Variants in RBFOX1 observed in about 807,000 individuals in gnomAD.
RBFOX1 encodes the protein RNA binding fox-1 homolog 1.
A neutral mutation model predicts 57.7 loss-of-function variants in RBFOX1; 8 were observed. The observed-to-expected ratio is 0.14, with a 90% CI of 0.08 to 0.25. The LOEUF (loss-of-function observed/expected upper bound fraction) is 0.25, where lower values mean the gene tolerates loss of function less well. Ranked by LOEUF, RBFOX1 falls within the 10% of genes least tolerant of loss-of-function variation. RBFOX1 has a pLI of 1.00. For synonymous variants in RBFOX1, 326 were observed against 222.4 expected, an observed-to-expected ratio of 1.47 and a Z score of -4.15; for missense variants, 611 against 548.5, an observed-to-expected ratio of 1.11 and a Z score of -1.14.
chr16:7,219,633 G>A (rs763075719), intron 4 of RBFOX1, among the ~76,000 whole-genome samples: 2 of 152,168 alleles, frequency 1.3e-5, no homozygotes, highest in African/African-American at 2.4e-5. Flanking sequence ...CACTTGATGG[G>A]ATTGTTTTTG....
At position 6,119,516 on chromosome 16, in the gene RBFOX1, A is replaced by T. The variant is rs149420915; in HGVS notation, c.-127+99524A>T. 5.9e-5 allele frequency among the ~76,000 whole-genome samples: 9 copies of T among 152,328 alleles called. No individual in the cohort carries two copies. The East Asian group carries it at 1.5e-3, about 26-fold the overall frequency. On this transcript the variant is annotated intron_variant, in intron 1 of 15. Coordinates refer to ENST00000550418, the MANE Select transcript of RBFOX1 (RefSeq NM_018723.4). Reference sequence around the variant, plus strand: ...ACTAATTTATTACTTTGATGGCCCAATGGTGATTTTCAATTTCCTCTCATG... The same window carrying T: ...ACTAATTTATTACTTTGATGGCCCATTGGTGATTTTCAATTTCCTCTCATG...
intron 4 of RBFOX1, among the ~76,000 whole-genome samples, chr16:7,097,675 C>T (rs1466006500): frequency 2.6e-5 from 4 of 152,130 alleles, no homozygotes; most frequent in African/African-American, 7.2e-5. Context: ...TGGTTTTGAT[C>T]TATATTTTCA....
chr16:7,340,448 T>G (rs1489205374), intron 4 of RBFOX1, among the ~76,000 whole-genome samples: 1 of 152,216 alleles, frequency 6.6e-6, no homozygotes, highest in Non-Finnish European at 1.5e-5. Flanking sequence ...GATGGCTGTT[T>G]TACCTGGTAT....
intron 4 of RBFOX1, among the ~76,000 whole-genome samples, chr16:7,164,960 T>C (rs921350138): frequency 6.6e-6 from 1 of 152,202 alleles, no homozygotes; most frequent in Non-Finnish European, 1.5e-5. Context: ...GTTGGCAGCG[T>C]GTATCACAGT....
intron 4 of RBFOX1, among the ~76,000 whole-genome samples, chr16:7,490,898 G>T (rs893842244): frequency 2.0e-5 from 3 of 152,144 alleles, no homozygotes; most frequent in African/African-American, 7.2e-5. Flanking sequence ...GTCTTTATCA[G>T]CCTAAGGATA....
chr16:6,941,954 C>T (rs963328863), intron 3 of RBFOX1, among the ~76,000 whole-genome samples: 2 of 152,106 alleles, frequency 1.3e-5, no homozygotes, highest in African/African-American at 4.8e-5. Context: ...AAAGGATGGG[C>T]ACAATGGCTC....
At chr16:5,681,240 A>ATTTTTTTTTTTTTT (rs71404546) in intron 3 of RBFOX1, among the ~76,000 whole-genome samples, 1 of 134,624 alleles carries the variant, frequency 7.4e-6, no homozygotes, top group African/African-American at 2.8e-5. Context: ...TGCCTGGCTA[A>ATTTTTTTTTTTTTT]TTTTTTTTTT....
intron 2 of RBFOX1, among the ~76,000 whole-genome samples, chr16:6,526,908 C>G (rs1034966391): frequency 1.3e-5 from 2 of 149,926 alleles, no homozygotes; most frequent in African/African-American, 4.9e-5. Flanking sequence ...ATTACTATCC[C>G]CATGGTACAT....
intron 1 of RBFOX1, among the ~76,000 whole-genome samples, chr16:6,258,082 T>A (rs571806734): frequency 2.4e-4 from 36 of 152,194 alleles, no homozygotes; most frequent in Non-Finnish European, 4.9e-4. Context: ...TGATGTTGAG[T>A]TTCTTAATAA....
intron 3 of RBFOX1, among the ~76,000 whole-genome samples, chr16:6,728,573 AT>A (rs1217118095): frequency 6.6e-6 from 1 of 152,220 alleles, no homozygotes; most frequent in Non-Finnish European, 1.5e-5. Flanking sequence ...AAAAAGCACA[AT>A]TACTCAATAT....
intron 2 of RBFOX1, among the ~76,000 whole-genome samples, chr16:6,611,856 C>G (rs2098061442): frequency 6.6e-6 from 1 of 152,098 alleles, no homozygotes. Context: ...TGGGCAGTGT[C>G]CACCATGGCA....
At chr16:6,933,681 C>G (rs1242090356) in intron 3 of RBFOX1, among the ~76,000 whole-genome samples, 1 of 152,240 alleles carries the variant, frequency 6.6e-6, no homozygotes, top group African/African-American at 2.4e-5. Context: ...TGACTGCACA[C>G]TCCAGCCTGG....
At chr16:6,370,291 G>A (rs940750499) in intron 2 of RBFOX1, among the ~76,000 whole-genome samples, 4 of 149,822 alleles carry the variant, frequency 2.7e-5, no homozygotes, top group African/African-American at 7.4e-5. Context: ...TCAGGAGGCG[G>A]AGCTTGCAGT....
chr16:7,237,275 C>T (rs1055872434), intron 4 of RBFOX1, among the ~76,000 whole-genome samples: 12 of 152,212 alleles, frequency 7.9e-5, no homozygotes, highest in African/African-American at 2.9e-4. Flanking sequence ...GGACCATGAG[C>T]TCTTCCGTCC....
In RBFOX1 at chr16:6,332,083, T is replaced by G. The variant is rs145013299; in HGVS notation, c.-64+15026T>G. 8.5e-5 allele frequency among the ~76,000 whole-genome samples: 13 copies of G among 152,260 alleles called. No individual in the cohort carries two copies. In the East Asian group the frequency reaches 2.5e-3, roughly 29 times the overall value. On this transcript the variant is annotated intron_variant, in intron 2 of 15. Transcript: ENST00000550418. Reference sequence around the variant, plus strand: ...GGGGTGTGAGGTAGCAGGAAAATAATTAGTTTAGTTAGATGTAAATGGAAG... The same window carrying G: ...GGGGTGTGAGGTAGCAGGAAAATAAGTAGTTTAGTTAGATGTAAATGGAAG...
intron 1 of RBFOX1, among the ~76,000 whole-genome samples, chr16:6,170,384 T>C (rs1567606637): frequency 6.6e-6 from 1 of 152,174 alleles, no homozygotes; most frequent in Non-Finnish European, 1.5e-5. Context: ...GTAATCAATC[T>C]GCAGTAAACA....
intron 3 of RBFOX1, among the ~76,000 whole-genome samples, chr16:5,826,169 C>T (rs1185787962): frequency 6.8e-6 from 1 of 147,398 alleles, no homozygotes; most frequent in Non-Finnish European, 1.5e-5. Context: ...ACATATTATT[C>T]TTATATGTTA....
chr16:6,035,165 C>T (rs1567304018), intron 1 of RBFOX1, among the ~76,000 whole-genome samples: 1 of 152,168 alleles, frequency 6.6e-6, no homozygotes, highest in African/African-American at 2.4e-5. Flanking sequence ...CAGATTTTGC[C>T]AAACGTCCCT....
At position 6,485,493 on chromosome 16, in the gene RBFOX1, C is replaced by G. The variant is rs79992879; in HGVS notation, c.-64+168436C>G. On this transcript the variant is annotated intron_variant, in intron 2 of 15. Coordinates refer to ENST00000550418, the MANE Select transcript of RBFOX1 (RefSeq NM_018723.4). ...AGAAACCTTTTAGGTATCTTTGCTACACTTTAACATATGTTTTGCACGCTG... is the reference window on the plus strand; with the variant it reads ...AGAAACCTTTTAGGTATCTTTGCTAGACTTTAACATATGTTTTGCACGCTG... 2.9e-3 allele frequency among the ~76,000 whole-genome samples: 439 copies of G among 152,160 alleles called. 5 individuals carry two copies. Among genetic ancestry groups the G allele is most frequent in the African/African-American group, 9.8e-3 (406 of 41,496 alleles).
Sources: allele counts gnomAD v4.1 joint callset (sites outside exome capture counted in the v4.1 genomes callset), GRCh38; gene constraint gnomAD v4.1.1; transcripts MANE v1.5; gene names NCBI Gene and HGNC (gene_info 2026-07-23, HGNC 2026-07-21).